The following SSBP3 variants were observed in gnomAD, a reference collection of about 807,000 sequenced individuals.
SSBP3 encodes single-stranded DNA-binding protein 3.
Under a neutral mutation model 69.6 loss-of-function variants are expected in SSBP3, and 5 were observed. The ratio of observed to expected loss-of-function variants is 0.07; its 90% CI spans 0.04 to 0.15. The LOEUF (loss-of-function observed/expected upper bound fraction) is 0.15. Among genes scored for constraint, SSBP3 ranks in the 10% least tolerant of loss-of-function variants. The pLI is 1.00. For synonymous variants in SSBP3, 196 were observed against 193.4 expected, an observed-to-expected ratio of 1.01 and a Z score of -0.11; for missense variants, 312 against 534.0, an observed-to-expected ratio of 0.58 and a Z score of 4.10.
intron 5 of SSBP3, among the ~76,000 whole-genome samples, chr1:54,266,110 C>T (rs1049083662): frequency 6.6e-6 from 1 of 152,252 alleles, no homozygotes; most frequent in East Asian, 1.9e-4. Flanking sequence ...TGCTTGCCAG[C>T]GCCTCTTTCT....
At chr1:54,282,736 C>A (rs750300104) in intron 4 of SSBP3, among the ~76,000 whole-genome samples, 6 of 152,242 alleles carry the variant, frequency 3.9e-5, no homozygotes, top group Non-Finnish European at 8.8e-5. Context: ...CCCACTGATT[C>A]TAGGCCTTCA....
intron 4 of SSBP3, among the ~76,000 whole-genome samples, chr1:54,367,607 C>T (rs1226406446): frequency 1.3e-5 from 2 of 152,198 alleles, no homozygotes; most frequent in African/African-American, 2.4e-5. Context: ...TAAGGCAGCA[C>T]GGCAAGCTAC....
At chr1:54,324,264 G>C (rs1389710936) in intron 4 of SSBP3, among the ~76,000 whole-genome samples, 2 of 152,162 alleles carry the variant, frequency 1.3e-5, no homozygotes, top group East Asian at 1.9e-4. Context: ...TGCAGACAAA[G>C]CCCCTTTACA....
chr1:54,354,490 G>A (rs1646832160), intron 4 of SSBP3, among the ~76,000 whole-genome samples: 1 of 152,132 alleles, frequency 6.6e-6, no homozygotes, highest in South Asian at 2.1e-4. Flanking sequence ...TAGAGCCCCA[G>A]GAGGGTACAC....
intron 4 of SSBP3, among the ~76,000 whole-genome samples, chr1:54,376,152 C>T (rs1242222891): frequency 6.6e-6 from 1 of 151,854 alleles, no homozygotes; most frequent in African/African-American, 2.4e-5. Flanking sequence ...AGTCTCTGGT[C>T]TCCCCTCCAC....
At chr1:54,335,781 G>A (rs12065118) in intron 4 of SSBP3, 11,361 of 152,312 alleles carry the variant, frequency 0.075, 527 homozygotes, top group Admixed American at 0.14. Context: ...GAAACAGCAA[G>A]GGGCTGGGTT....
rs141293556 is a variant in SSBP3, at chr1:54,351,300, G to A, written c.276+50561C>T. Among the ~76,000 whole-genome samples the A allele has an allele frequency of 3.3e-4, 51 of 152,274 alleles. 2 individuals carry two copies. In the East Asian group the frequency reaches 8.9e-3, roughly 26 times the overall value. The stretch of plus-strand genomic sequence containing the variant: ...CTTCCTCCTACTTTTCAAAATGAAC[G>A]AGTACAGAACACATAACTTCTTCTG... On this transcript the variant is annotated intron_variant, in intron 4 of 17. Transcript: ENST00000610401.
At chr1:54,302,381 G>A (rs74652636) in intron 4 of SSBP3, among the ~76,000 whole-genome samples, 6,155 of 150,654 alleles carry the variant, frequency 0.041, 434 homozygotes, top group African/African-American at 0.14. Flanking sequence ...ATGCAGTGGC[G>A]TGATTACTGC....
intron 13 of SSBP3, among the ~76,000 whole-genome samples, chr1:54,240,043 AT>A (rs1644578333): frequency 9.2e-6 from 1 of 108,716 alleles, no homozygotes. Context: ...CATAATTGTG[AT>A]GGGGTGTGTG....
chr1:54,253,566 T>G (rs1484069815), intron 7 of SSBP3, among the ~76,000 whole-genome samples: 1 of 152,168 alleles, frequency 6.6e-6, no homozygotes, highest in East Asian at 1.9e-4. Flanking sequence ...AATCCCTGGA[T>G]TTTTAGTTGT....
chr1:54,361,550 C>T (rs1646952608), intron 4 of SSBP3, among the ~76,000 whole-genome samples: 2 of 152,052 alleles, frequency 1.3e-5, no homozygotes, highest in Admixed American at 6.5e-5. Flanking sequence ...CCAGGCTGAA[C>T]GGAATTCACA....
intron 4 of SSBP3, among the ~76,000 whole-genome samples, chr1:54,354,258 C>T (rs1363608083): frequency 6.6e-6 from 1 of 152,378 alleles, no homozygotes; most frequent in African/African-American, 2.4e-5. Flanking sequence ...ATCAAAACCA[C>T]ATGCCAGCCT....
intron 14 of SSBP3, among the ~76,000 whole-genome samples, chr1:54,235,586 G>T (rs949181921): frequency 6.6e-6 from 1 of 151,504 alleles, no homozygotes; most frequent in South Asian, 2.1e-4. Context: ...CTGAGTAGCT[G>T]GGATTACAGG....
intron 4 of SSBP3, among the ~76,000 whole-genome samples, chr1:54,345,222 T>C (rs1464022518): frequency 6.6e-6 from 1 of 152,166 alleles, no homozygotes; most frequent in Non-Finnish European, 1.5e-5. Context: ...AGAAACTAAC[T>C]TACACTTGGC....
At chr1:54,231,445 GATTT>G (rs1278007999) in intron 14 of SSBP3, among the ~76,000 whole-genome samples, 1 of 152,194 alleles carries the variant, frequency 6.6e-6, no homozygotes, top group East Asian at 1.9e-4. Context: ...TCAGACACAT[GATTT>G]ATTTTCTCCA....
intron 13 of SSBP3, among the ~76,000 whole-genome samples, chr1:54,240,089 C>G (rs61776470): frequency 2.4e-5 from 1 of 42,014 alleles, no homozygotes; most frequent in Admixed American, 2.7e-4. Flanking sequence ...TGTGTGTGTG[C>G]GCGCGCGCGC....
chr1:54,281,486 G>A (rs769560336), exon 5 of SSBP3: 89 of 1,571,310 alleles, frequency 5.7e-5, no homozygotes, highest in Non-Finnish European at 7.5e-5. Flanking sequence ...CATCGTTGGG[G>A]GGAATGTTGC....
intron 4 of SSBP3, among the ~76,000 whole-genome samples, chr1:54,290,296 G>A (rs1438337704): frequency 6.6e-6 from 1 of 152,188 alleles, no homozygotes; most frequent in African/African-American, 2.4e-5. Context: ...GGGGGGCATA[G>A]GGAACTTAAA....
chr1:54,341,489 C>T (rs1010471048), intron 4 of SSBP3, among the ~76,000 whole-genome samples: 1 of 152,060 alleles, frequency 6.6e-6, no homozygotes, highest in South Asian at 2.1e-4. Flanking sequence ...GAATAGATGC[C>T]GACCTGCCAT....
Sources: gnomAD v4.1 joint callset for allele counts (sites outside exome capture counted in the v4.1 genomes callset) on GRCh38, gnomAD v4.1.1 for gene constraint, MANE v1.5 for transcripts, NCBI Gene and HGNC (gene_info 2026-07-23, HGNC 2026-07-21) for gene names.